The following DMD variants were observed in gnomAD, a reference collection of about 807,000 sequenced individuals.
DMD encodes the protein mutant dystrophin.
DMD carries 63 observed loss-of-function variants against 330.1 expected under a neutral mutation model. The ratio of observed to expected loss-of-function variants is 0.19; its 90% CI spans 0.16 to 0.24. DMD has a LOEUF of 0.24. DMD is among the 10% of genes least tolerant of loss of function. The probability of loss-of-function intolerance (pLI) is 1.00; values close to 1 mark genes in which losing one functional copy is unlikely to be tolerated. For synonymous variants in DMD, 1,223 were observed against 959.8 expected, an observed-to-expected ratio of 1.27 and a Z score of -5.07; for missense variants, 3,344 against 2,684.1, an observed-to-expected ratio of 1.25 and a Z score of -5.43.
At chrX:31,878,939 C>A (rs1033075007) in intron 47 of DMD, among the ~76,000 whole-genome samples, 2 of 111,314 alleles carry the variant, frequency 1.8e-5, no homozygotes, top group African/African-American at 6.5e-5. Flanking sequence ...GGCAGTTTGG[C>A]CATATCTATA....
chrX:31,952,162 A>G lies in DMD; in HGVS notation c.6614+16177T>C, dbSNP rs761827957. Among the ~76,000 whole-genome samples, 3 of 111,200 alleles carry G rather than the reference A, an allele frequency of 2.7e-5. No individual in the cohort carries two copies. The South Asian group carries it at 1.1e-3, about 42-fold the overall frequency. ...TCTTTCAATAATTTCAAATGAAACT[A>G]TTTCAATAGTTTGACTCTTATGTTT... is the stretch of plus-strand genomic sequence containing the variant. On this transcript the variant is annotated intron_variant, in intron 45 of 78. Transcript: ENST00000357033.
At chrX:32,917,993 A>AAAG (rs1569542332) in intron 2 of DMD, among the ~76,000 whole-genome samples, 1 of 110,458 alleles carries the variant, frequency 9.1e-6, no homozygotes, top group Non-Finnish European at 1.9e-5. Context: ...AAAAAAAAAA[A>AAAG]AAAGAAAGAA....
intron 44 of DMD, among the ~76,000 whole-genome samples, chrX:32,204,472 C>T (rs1298769534): frequency 9.0e-6 from 1 of 111,651 alleles, no homozygotes; most frequent in Non-Finnish European, 1.9e-5. Context: ...TGATTTTGTA[C>T]TATTTTCCAA....
chrX:33,278,072 T>G (rs1270595646), intron 1 of DMD, among the ~76,000 whole-genome samples: 1 of 111,363 alleles, frequency 9.0e-6, no homozygotes, highest in African/African-American at 3.3e-5. Context: ...ACCACTGCAC[T>G]CTAGCCTGGG....
rs1725979474 is a variant in DMD, at chrX:32,134,643, G to T, written c.6438+82273C>A. The stretch of plus-strand genomic sequence containing the variant: ...GGTGACATGGTTTTAAAGAGTTGCT[G>T]AATGATCAGTCTCCCTTTCCTTTTC... On this transcript the variant is annotated intron_variant, in intron 44 of 78. Coordinates refer to ENST00000357033, the MANE Select transcript of DMD (RefSeq NM_004006.3). Among the ~76,000 whole-genome samples the T allele has an allele frequency of 6.3e-5, 7 of 111,679 alleles. No homozygotes were observed. In the South Asian group the frequency reaches 2.7e-3, roughly 42 times the overall value.
In DMD at chrX:32,717,317, T is replaced by C. The variant is rs765427085; in HGVS notation, c.650-18024A>G. ...TGCACAACCTCAAGACACTGCTCCC[T>C]ATGTCCCAGACACTCCAGCTCCAGC... is the stretch of plus-strand genomic sequence containing the variant. On this transcript the variant is annotated intron_variant, in intron 7 of 78. Coordinates refer to ENST00000357033, the MANE Select transcript of DMD (RefSeq NM_004006.3). 4.5e-5 allele frequency among the ~76,000 whole-genome samples: 5 copies of C among 111,194 alleles called. No individual in the cohort carries two copies. The East Asian group carries it at 1.2e-3, about 26-fold the overall frequency.
chrX:33,137,177 C>T (rs2095532600), intron 1 of DMD, among the ~76,000 whole-genome samples: 1 of 110,953 alleles, frequency 9.0e-6, no homozygotes, highest in Non-Finnish European at 1.9e-5. Flanking sequence ...GGGGCTCTCC[C>T]AAGACTATTA....
rs746755845 is a variant in DMD at position 33,151,287 on chromosome X, A to T, written c.31+59995T>A. Among the ~76,000 whole-genome samples the T allele has an allele frequency of 8.9e-5, 10 of 112,524 alleles. 1 individual carries two copies. The Admixed American group carries it at 9.4e-4, about 11-fold the overall frequency. On this transcript the variant is annotated intron_variant, in intron 1 of 78. Coordinates refer to ENST00000357033, the MANE Select transcript of DMD (RefSeq NM_004006.3). Reference sequence around the variant, plus strand: ...CTAAATGCCAGAGTCAGGTAGTATAAGGCAAAAAGTATACAATCCATTTTT... The same window carrying T: ...CTAAATGCCAGAGTCAGGTAGTATATGGCAAAAAGTATACAATCCATTTTT...
chrX:31,192,118 A>G (rs1412356971), intron 67 of DMD, among the ~76,000 whole-genome samples: 1 of 112,081 alleles, frequency 8.9e-6, no homozygotes, highest in Non-Finnish European at 1.9e-5. Flanking sequence ...TCAGTGGAAT[A>G]TTTTACATAA....
intron 50 of DMD, among the ~76,000 whole-genome samples, chrX:31,800,907 C>T (rs936287206): frequency 5.4e-5 from 6 of 111,605 alleles, no homozygotes; most frequent in South Asian, 3.8e-4. Flanking sequence ...ACATCACCAT[C>T]GGCATTTTGG....
intron 45 of DMD, among the ~76,000 whole-genome samples, chrX:31,944,169 A>G (rs1882797678): frequency 9.0e-6 from 1 of 111,378 alleles, no homozygotes; most frequent in African/African-American, 3.3e-5. Context: ...TGGTTCTGTG[A>G]GGTCCAAATT....
chrX:32,679,512 A>T (rs2062216349), intron 9 of DMD, among the ~76,000 whole-genome samples: 1 of 111,304 alleles, frequency 9.0e-6, no homozygotes, highest in Non-Finnish European at 1.9e-5. Flanking sequence ...TTATGTCCGA[A>T]AGTTCTTAAA....
chrX:31,578,178 G>T (rs1302956822), intron 55 of DMD, among the ~76,000 whole-genome samples: 1 of 111,538 alleles, frequency 9.0e-6, no homozygotes, highest in Admixed American at 9.5e-5. Context: ...TTATCTGTAG[G>T]CATCAGAGAT....
chrX:32,593,928 G>T (rs1285452064), intron 13 of DMD, among the ~76,000 whole-genome samples: 7 of 112,404 alleles, frequency 6.2e-5, no homozygotes, highest in Non-Finnish European at 1.1e-4. Context: ...ATTGCTGAGG[G>T]ACAAGCTGAA....
intron 44 of DMD, among the ~76,000 whole-genome samples, chrX:32,040,866 C>T (rs777624128): frequency 4.5e-5 from 5 of 110,943 alleles, no homozygotes; most frequent in Admixed American, 2.9e-4. Flanking sequence ...GAAGGGGACC[C>T]ATGGGCAGAT....
Position 31,180,624 on chromosome X carries a change from T to C in DMD, c.9975-143A>G, listed in dbSNP as rs182303385. 1.4e-3 allele frequency: 743 copies of C among 513,184 alleles called. 2 individuals carry two copies. The African/African-American group carries it at 0.015, about 11-fold the overall frequency. 42.3% of individuals were successfully genotyped at this position (513,184 alleles called of 1,213,427 possible). A position where few individuals can be genotyped will look rare whatever the true frequency, so the allele number is the denominator to read the frequency against. On this transcript the variant is annotated intron_variant, in intron 68 of 78. Transcript: ENST00000357033. Reference sequence around the variant, plus strand: ...GTCCCACAAGGTAAGTGATTAACTTTCTGCCTCCAGATTTTTCCGGTGCCT... The same window carrying C: ...GTCCCACAAGGTAAGTGATTAACTTCCTGCCTCCAGATTTTTCCGGTGCCT...
chrX:32,407,631 C>T (rs895001721), intron 30 of DMD, among the ~76,000 whole-genome samples: 17 of 110,374 alleles, frequency 1.5e-4, no homozygotes, highest in African/African-American at 5.3e-4. Flanking sequence ...GGGTATATAC[C>T]CAAAGGATTA....
At chrX:32,376,437 T>C (rs1364240507) in intron 34 of DMD, among the ~76,000 whole-genome samples, 1 of 111,854 alleles carries the variant, frequency 8.9e-6, no homozygotes, top group Non-Finnish European at 1.9e-5. Context: ...ATTAATTCTG[T>C]GTATTTTATG....
At chrX:31,649,098 G>A (rs2080285927) in intron 54 of DMD, among the ~76,000 whole-genome samples, 1 of 111,396 alleles carries the variant, frequency 9.0e-6, no homozygotes, top group Non-Finnish European at 1.9e-5. Context: ...AACCAAATAA[G>A]AAAAACTTTC....
Sources: gnomAD v4.1 joint callset for allele counts (sites outside exome capture counted in the v4.1 genomes callset) on GRCh38, gnomAD v4.1.1 for gene constraint, MANE v1.5 for transcripts, NCBI Gene and HGNC (gene_info 2026-07-23, HGNC 2026-07-21) for gene names.